TRPM3: variants seen among roughly 807,000 people sequenced by gnomAD.
The protein encoded by TRPM3 is long transient receptor potential channel 3.
TRPM3 carries 77 observed loss-of-function variants against 181.2 expected under a neutral mutation model. The observed-to-expected ratio is 0.42, with a 90% CI of 0.35 to 0.51. TRPM3 has a LOEUF of 0.51. Among genes scored for constraint, TRPM3 ranks in the 20% least tolerant of loss-of-function variants. The pLI is 0.01. For synonymous variants in TRPM3, 745 were observed against 796.4 expected (o/e 0.94, Z 1.09); for missense variants, 1,759 against 2,196.7 (o/e 0.80, Z 3.98).
intron 1 of TRPM3, among the ~76,000 whole-genome samples, chr9:71,025,435 CG>C (rs2097887025): frequency 6.6e-6 from 1 of 152,092 alleles, no homozygotes; most frequent in South Asian, 2.1e-4. Context: ...CATGATTCAT[CG>C]GAAAGAAGTA....
rs763366503 is a variant in TRPM3 at position 71,121,267 on chromosome 9, T to G, written c.88A>C (p.Met30Leu). Residue 30 changes from methionine (M) to leucine (L), a missense_variant, in exon 1 of 26, where the codon ATG (methionine) becomes CTG (leucine). This residue lies in a region of TRPM3 where 737 missense variants were observed against 957.4 expected (regional missense o/e 0.77). Coordinates refer to ENST00000677713, the MANE Select transcript of TRPM3 (RefSeq NM_001366145.2). ...GGTCGAGGAGCATCAGCCTGATTCATGACCCCTTCCAAATTCCACCAGGAA... is the reference window on the plus strand; with the variant it reads ...GGTCGAGGAGCATCAGCCTGATTCAGGACCCCTTCCAAATTCCACCAGGAA... ...LFSWWNLEGV[M>L]NQADAPRPLN... 1.2e-6 allele frequency: 2 copies of G among 1,614,062 alleles called. No individual in the cohort carries two copies. Among genetic ancestry groups the G allele is most frequent in the African/African-American group, 1.3e-5 (1 of 74,932 alleles).
chr9:70,540,582 C>T (rs927306713), intron 25 of TRPM3, among the ~76,000 whole-genome samples: 4 of 152,166 alleles, frequency 2.6e-5, no homozygotes, highest in African/African-American at 9.7e-5. Context: ...TCCCTATAGC[C>T]CCAGCTACTC....
intron 1 of TRPM3, among the ~76,000 whole-genome samples, chr9:71,070,473 C>G (rs1010207647): frequency 6.6e-6 from 1 of 152,138 alleles, no homozygotes; most frequent in African/African-American, 2.4e-5. Context: ...GCTTTGTTCT[C>G]TAAATTCTCT....
In TRPM3 at chr9:71,307,618, T is replaced by G. The variant is rs549341264; in HGVS notation, c.183+139035A>C. On this transcript the variant is annotated intron_variant, in intron 1 of 24. Coordinates refer to the TRPM3 transcript ENST00000357533. ...GAGGTTATGTGTATTATAATTAGAT[T>G]TATTCAGTAGCTATTCTTTTCTAAT... Among the ~76,000 whole-genome samples, 5 of 151,682 alleles carry G rather than the reference T, an allele frequency of 3.3e-5. No homozygotes were observed. The East Asian group carries it at 9.7e-4, about 29-fold the overall frequency.
chr9:71,037,533 A>G (rs1274521968), intron 1 of TRPM3, among the ~76,000 whole-genome samples: 4 of 152,268 alleles, frequency 2.6e-5, no homozygotes, highest in Non-Finnish European at 4.4e-5. Context: ...GTGTGCACAC[A>G]TGCGTGTGCG....
intron 1 of TRPM3, among the ~76,000 whole-genome samples, chr9:71,392,869 G>A (rs183776179): frequency 5.1e-4 from 77 of 152,226 alleles, no homozygotes; most frequent in African/African-American, 1.7e-3. Context: ...AGGAAATGGA[G>A]TAATCATCAA....
intron 8 of TRPM3, among the ~76,000 whole-genome samples, chr9:70,687,571 G>A (rs937917560): frequency 5.3e-5 from 8 of 152,094 alleles, no homozygotes; most frequent in Non-Finnish European, 7.3e-5. Flanking sequence ...CTTTTCCTCC[G>A]AATTCAGTTT....
chr9:70,991,876 T>C (rs2097489919), intron 1 of TRPM3, among the ~76,000 whole-genome samples: 1 of 152,146 alleles, frequency 6.6e-6, no homozygotes, highest in East Asian at 1.9e-4. Context: ...CACTGAGCCA[T>C]CTCAGCTTTC....
rs1238789983 is a variant in TRPM3 at position 71,330,216 on chromosome 9, C to T, written c.183+116437G>A. Among the ~76,000 whole-genome samples the T allele has an allele frequency of 2.0e-5, 3 of 151,834 alleles. No individual in the cohort carries two copies. The East Asian group carries it at 5.8e-4, about 29-fold the overall frequency. On this transcript the variant is annotated intron_variant, in intron 1 of 24. Coordinates refer to the TRPM3 transcript ENST00000357533. ...TCTTGGCTAATTAGAGCAGAAATTG[C>T]AGTCTGAATCTGTGAAAAACTAGAT...
In TRPM3 at chr9:70,900,341, A is replaced by AAAAAC. The variant is rs766186679; in HGVS notation, c.178-35835_178-35831dup. 6.6e-5 allele frequency among the ~76,000 whole-genome samples: 10 copies of AAAAAC among 152,146 alleles called. No homozygotes were observed. The East Asian group carries it at 1.7e-3, about 27-fold the overall frequency. ...GGGTGACAGAGTGAGACTCTGTCTC[A>AAAAAC]AAAACAAAACAAAACAAACAAACAA... On this transcript the variant is annotated intron_variant, in intron 1 of 25. Transcript: ENST00000677713.
At chr9:70,938,667 T>C (rs1354767594) in intron 1 of TRPM3, among the ~76,000 whole-genome samples, 1 of 152,114 alleles carries the variant, frequency 6.6e-6, no homozygotes, top group African/African-American at 2.4e-5. Flanking sequence ...TAGACATTCA[T>C]TTCTTTTGGG....
At chr9:71,039,691 A>G (rs889328513) in intron 1 of TRPM3, among the ~76,000 whole-genome samples, 14 of 152,206 alleles carry the variant, frequency 9.2e-5, no homozygotes, top group Non-Finnish European at 2.1e-4. Context: ...AACAGGACTC[A>G]CAAACATTGG....
rs149507222 is a variant in TRPM3 at position 71,280,533 on chromosome 9, G to A, written c.183+166120C>T. Among the ~76,000 whole-genome samples, 986 of 152,004 alleles carry A rather than the reference G, an allele frequency of 6.5e-3. 6 individuals carry two copies. The highest frequency in any genetic ancestry group is 0.01 in the Middle Eastern group (3 of 294). ...TCTCAGAAAAAAAAAGAAAAGAAAA[G>A]AAAAGAAAAGCCCTGGATTTTTGAG... On this transcript the variant is annotated intron_variant, in intron 1 of 24. Coordinates refer to the TRPM3 transcript ENST00000357533.
At chr9:70,775,054 G>C (rs925932433) in intron 7 of TRPM3, 1 of 152,112 alleles carries the variant, frequency 6.6e-6, no homozygotes, top group Admixed American at 6.6e-5. Context: ...GGAATCTGGA[G>C]AAAATCCATT....
chr9:70,537,214 T>C lies in TRPM3; in HGVS notation c.3899A>G (p.Asp1300Gly). Residue 1300 changes from aspartate to glycine, a missense_variant, in exon 26 of 26, where the codon GAC (aspartate) becomes GGC (glycine). This residue lies in a region of TRPM3 where 612 missense variants were observed against 590.0 expected (regional missense o/e 1.04). Transcript: ENST00000677713. ...SNKIRSRTSS[D>G]CTDAAYIVRQ... ...GACAATGTAGGCGGCGTCCGTGCAG[T>C]CTGACGAGGTCCTCGAGCGGATTTT... 1 of 1,597,586 alleles carries C rather than the reference T, an allele frequency of 6.3e-7. No homozygotes were observed. The highest frequency in any genetic ancestry group is 8.6e-7 in the Non-Finnish European group (1 of 1,168,058).
exon 1 of TRPM3, chr9:71,446,657 G>C: frequency 6.5e-7 from 1 of 1,550,024 alleles, no homozygotes; most frequent in African/African-American, 1.4e-5. Flanking sequence ...ACTCACCGGC[G>C]TCTGCTGCGA....
At chr9:71,200,223 C>T (rs1481524527) in intron 1 of TRPM3, among the ~76,000 whole-genome samples, 3 of 152,136 alleles carry the variant, frequency 2.0e-5, no homozygotes, top group East Asian at 3.9e-4. Context: ...TTTGATTGCA[C>T]TGTGGTCTGA....
chr9:70,879,919 C>T (rs1373007897), intron 1 of TRPM3, among the ~76,000 whole-genome samples: 2 of 152,142 alleles, frequency 1.3e-5, no homozygotes, highest in Non-Finnish European at 2.9e-5. Context: ...CAGACACACA[C>T]ACATGCATGT....
In TRPM3 at chr9:71,102,959, C is replaced by T. The variant is rs11142691; in HGVS notation, c.177+18219G>A. Among the ~76,000 whole-genome samples the T allele has an allele frequency of 5.8e-3, 886 of 152,210 alleles. 26 individuals carry two copies. The highest frequency in any genetic ancestry group is 0.05 in the Admixed American group (765 of 15,270). Reference sequence around the variant, plus strand: ...ATTACACATATATGCTTTGCCATTTCCTGATAAACCAGACATATTTACCTT... The same window carrying T: ...ATTACACATATATGCTTTGCCATTTTCTGATAAACCAGACATATTTACCTT... On this transcript the variant is annotated intron_variant, in intron 1 of 25. Coordinates refer to ENST00000677713, the MANE Select transcript of TRPM3 (RefSeq NM_001366145.2).
Sources: allele counts gnomAD v4.1 joint callset (sites outside exome capture counted in the v4.1 genomes callset), GRCh38; gene constraint gnomAD v4.1.1; regional missense constraint gnomAD v4.1.1; transcripts MANE v1.5; gene names NCBI Gene and HGNC (gene_info 2026-07-23, HGNC 2026-07-21).